Variants in SLC28A3 observed in about 807,000 individuals in gnomAD.
The protein encoded by SLC28A3 is concentrative Na(+)-nucleoside cotransporter 3.
Under a neutral mutation model 84.2 loss-of-function variants are expected in SLC28A3, and 68 were observed. That is an observed-to-expected ratio of 0.81 (90% CI 0.66 to 0.99). The LOEUF (loss-of-function observed/expected upper bound fraction) is 0.99, where lower values mean the gene tolerates loss of function less well. Among genes scored for constraint, SLC28A3 ranks in the 50% least tolerant of loss-of-function variants. The probability of loss-of-function intolerance (pLI) is 0.00; values close to 1 mark genes in which losing one functional copy is unlikely to be tolerated. For missense variants in SLC28A3, 712 were observed against 841.5 expected (o/e 0.85, Z 1.90); for synonymous variants, 267 against 303.6 (o/e 0.88, Z 1.25).
At position 84,276,945 on chromosome 9, in the gene SLC28A3, A is replaced by G. The variant is rs190645326; in HGVS notation, c.*1273T>C. ...TCTCACAGCATGTGGTCTTCATGCT[A>G]TTAAGAGCAGTGGTGATGGGCATTT... On this transcript the variant is annotated 3_prime_UTR_variant, in exon 18 of 18. Coordinates refer to ENST00000376238, the MANE Select transcript of SLC28A3 (RefSeq NM_001199633.2). 76 of 152,348 alleles carry G rather than the reference A, an allele frequency of 5.0e-4. No homozygotes were observed. The highest frequency in any genetic ancestry group is 1.7e-3 in the African/African-American group (71 of 41,582). The allele number at this position is 152,348 out of a possible 1,614,324, so 9.4% of individuals were successfully genotyped here. A position where few individuals can be genotyped will look rare whatever the true frequency, so the allele number is the denominator to read the frequency against.
At position 84,290,208 on chromosome 9, in the gene SLC28A3, G is replaced by A. The variant is rs779125828; in HGVS notation, c.1095C>T (p.Thr365=). 3.1e-6 allele frequency: 5 copies of A among 1,614,100 alleles called. No individual in the cohort carries two copies. Among genetic ancestry groups the A allele is most frequent in the South Asian group, 2.2e-5 (2 of 91,074 alleles). Residue 365 remains threonine (T), a synonymous_variant, in exon 11 of 18, where the codon ACC becomes ACT. Coordinates refer to ENST00000376238, the MANE Select transcript of SLC28A3 (RefSeq NM_001199633.2). The stretch of plus-strand genomic sequence containing the variant: ...TTCCAGCAATGGTAGAGAACCCGGC[G>A]GTCATGATGGCGTGGAGTTCAGACT... ...ITKSELHAIM[T]AGFSTIAGSV...
At chr9:84,281,145 C>T (rs1036742938) in intron 14 of SLC28A3, among the ~76,000 whole-genome samples, 2 of 152,164 alleles carry the variant, frequency 1.3e-5, no homozygotes, top group South Asian at 2.1e-4. Context: ...AATGCTGCTT[C>T]CTGGTCAATA....
chr9:84,357,458 A>G, the SLC28A3 span, among the ~76,000 whole-genome samples: 1 of 151,834 alleles, frequency 6.6e-6, no homozygotes, highest in East Asian at 2.0e-4. Context: ...TTCTGCTTGT[A>G]TTAATTACAG....
intron 8 of SLC28A3, among the ~76,000 whole-genome samples, chr9:84,294,808 C>G (rs1462464314): frequency 6.6e-6 from 1 of 152,148 alleles, no homozygotes; most frequent in Non-Finnish European, 1.5e-5. Context: ...TTTGGAGTTC[C>G]AAACTAAGGA....
chr9:84,362,854 T>G, the SLC28A3 span, among the ~76,000 whole-genome samples: 1 of 151,970 alleles, frequency 6.6e-6, no homozygotes, highest in Non-Finnish European at 1.5e-5. Context: ...TATAAGTAGG[T>G]ATTAAAAAAT....
rs1046253536 is a variant in SLC28A3 at position 84,279,351 on chromosome 9, G to C, written c.1863C>G (p.Cys621Trp). The C allele has an allele frequency of 1.2e-6, 2 of 1,612,890 alleles. No homozygotes were observed. Among genetic ancestry groups the C allele is most frequent in the African/African-American group, 1.3e-5 (1 of 74,934 alleles). The change falls in exon 17 of 18, where the codon TGC becomes TGG. Residue 621 changes from cysteine to tryptophan, a missense_variant. Coordinates refer to ENST00000376238, the MANE Select transcript of SLC28A3 (RefSeq NM_001199633.2). ...TGAAGGCATTCTCTAAAACGTGATG[G>C]CAGTTGATGTCCACAGGAGTGCTGG... ...ILSSTPVDIN[C>W]HHVLENAFNS...
chr9:84,303,461 C>A (rs924562914), intron 4 of SLC28A3, among the ~76,000 whole-genome samples: 1 of 152,210 alleles, frequency 6.6e-6, no homozygotes, highest in African/African-American at 2.4e-5. Flanking sequence ...CCTGGGATTA[C>A]AGGCATGTGC....
intron 1 of SLC28A3, among the ~76,000 whole-genome samples, chr9:84,336,611 G>C (rs890465023): frequency 2.6e-4 from 40 of 152,050 alleles, no homozygotes; most frequent in African/African-American, 9.7e-4. Context: ...GGGAGGTTGA[G>C]GCTGCAGTGA....
At position 84,340,564 on chromosome 9, in the gene SLC28A3, C is replaced by T; in HGVS notation, c.60+10G>A. On this transcript the variant is annotated intron_variant, in intron 1 of 17. Transcript: ENST00000376238. ...GAAGGCCTTTAACATAAGAGGAAAG[C>T]TCTGCTCACCTGGAAGCCCACGTTG... 1 of 1,614,180 alleles carries T rather than the reference C, an allele frequency of 6.2e-7. No individual in the cohort carries two copies. The highest frequency in any genetic ancestry group is 1.6e-4 in the Middle Eastern group (1 of 6,062).
chr9:84,296,867 C>T (rs779010719), intron 8 of SLC28A3, among the ~76,000 whole-genome samples: 12 of 152,212 alleles, frequency 7.9e-5, no homozygotes, highest in Non-Finnish European at 1.6e-4. Flanking sequence ...TGCCACATGC[C>T]TACTTGTTGC....
chr9:84,278,096 C>CA lies in SLC28A3; in HGVS notation c.*121dup. On this transcript the variant is annotated 3_prime_UTR_variant, in exon 18 of 18. Coordinates refer to ENST00000376238, the MANE Select transcript of SLC28A3 (RefSeq NM_001199633.2). ...CACTCTTGTTTTTCTTCATTCCTTG[C>CA]AATTAAAGCTGATTCCATTATGGAA... The CA allele has an allele frequency of 7.7e-7, 1 of 1,298,506 alleles. No individual in the cohort carries two copies. Among genetic ancestry groups the CA allele is most frequent in the Admixed American group, 2.6e-5 (1 of 38,798 alleles). 80.4% of individuals were successfully genotyped at this position (1,298,506 alleles called of 1,614,324 possible). A position where few individuals can be genotyped will look rare whatever the true frequency, so the allele number is the denominator to read the frequency against.
chr9:84,347,489 C>CA, the SLC28A3 span, among the ~76,000 whole-genome samples: 1 of 152,116 alleles, frequency 6.6e-6, no homozygotes, highest in African/African-American at 2.4e-5. Context: ...AAATGAAACC[C>CA]AGGGGAAGCA....
chr9:84,351,954 T>C, the SLC28A3 span, among the ~76,000 whole-genome samples: 1 of 151,682 alleles, frequency 6.6e-6, no homozygotes, highest in Non-Finnish European at 1.5e-5. Context: ...AAGACGCTAA[T>C]GGTGAAACTG....
At chr9:84,292,823 C>G (rs1825292751) in intron 9 of SLC28A3, 75 bp from the exon 10 acceptor site, 1 of 987,532 alleles carries the variant, frequency 1.0e-6, no homozygotes. Context: ...GATTAAAATC[C>G]TTAAACTGGT....
intron 12 of SLC28A3, among the ~76,000 whole-genome samples, chr9:84,286,678 A>G (rs1825003850): frequency 6.6e-6 from 1 of 152,152 alleles, no homozygotes; most frequent in African/African-American, 2.4e-5. Context: ...GTTATAAAAT[A>G]CAAATGGTAT....
upstream of SLC28A3, among the ~76,000 whole-genome samples, chr9:84,343,317 G>A (rs1289401222): frequency 6.6e-6 from 1 of 152,188 alleles, no homozygotes; most frequent in East Asian, 1.9e-4. Context: ...AGCTGGGACT[G>A]TGTGAGTTAT....
At chr9:84,348,850 C>T in the SLC28A3 span, among the ~76,000 whole-genome samples, 23,934 of 152,056 alleles carry the variant, frequency 0.16, 2,021 homozygotes, top group South Asian at 0.24. Flanking sequence ...CCCTCTCCAG[C>T]GGCTAGTGCC....
chr9:84,287,798 G>A (rs1469422966), intron 12 of SLC28A3, among the ~76,000 whole-genome samples: 1 of 152,140 alleles, frequency 6.6e-6, no homozygotes, highest in African/African-American at 2.4e-5. Context: ...AGGCTGCAGT[G>A]AGCTGTGTTC....
At chr9:84,287,924 G>A in intron 12 of SLC28A3, 124 bp downstream of exon 12, 1 of 1,269,062 alleles carries the variant, frequency 7.9e-7, no homozygotes. Flanking sequence ...AATAGTCTTT[G>A]GACTAACTTT....
Sources: allele counts gnomAD v4.1 joint callset (sites outside exome capture counted in the v4.1 genomes callset), GRCh38; gene constraint gnomAD v4.1.1; transcripts MANE v1.5; gene names NCBI Gene and HGNC (gene_info 2026-07-23, HGNC 2026-07-21).